SYNPR: variants seen among roughly 807,000 people sequenced by gnomAD.
SYNPR encodes the protein synaptoporin.
Under a neutral mutation model 32.9 loss-of-function variants are expected in SYNPR, and 23 were observed. The ratio of observed to expected loss-of-function variants is 0.70; its 90% confidence interval spans 0.50 to 0.99. The LOEUF (loss-of-function observed/expected upper bound fraction) is 0.99, where lower values mean the gene tolerates loss of function less well. SYNPR is among the 50% of genes least tolerant of loss of function. The pLI is 0.00. For missense variants in SYNPR, 318 were observed against 349.3 expected (o/e 0.91, Z 0.71); for synonymous variants, 146 against 135.9 (o/e 1.07, Z -0.52).
At chr3:63,502,411 CCA>C (rs1559519086) in intron 3 of SYNPR, among the ~76,000 whole-genome samples, 1 of 152,006 alleles carries the variant, frequency 6.6e-6, no homozygotes, top group South Asian at 2.1e-4. Context: ...CATCCAAAGT[CCA>C]CAGTTTACCT....
chr3:63,202,521 T>C, the SYNPR span, among the ~76,000 whole-genome samples: 23 of 152,102 alleles, frequency 1.5e-4, no homozygotes, highest in African/African-American at 4.8e-4. Context: ...AAGAGGAAAA[T>C]TGCAGAGCAA....
intron 2 of SYNPR, among the ~76,000 whole-genome samples, chr3:63,390,029 C>G (rs1001767653): frequency 3.0e-4 from 45 of 152,304 alleles, no homozygotes; most frequent in South Asian, 6.2e-4. Context: ...CTATGAAAGC[C>G]TTTAAATTGG....
At chr3:63,435,592 A>G (rs9821421) in intron 2 of SYNPR, among the ~76,000 whole-genome samples, 2,372 of 152,286 alleles carry the variant, frequency 0.016, 54 homozygotes, top group African/African-American at 0.046. Flanking sequence ...GACTGCCCCT[A>G]GCACACCCTC....
intron 2 of SYNPR, among the ~76,000 whole-genome samples, chr3:63,380,030 T>G (rs1162018615): frequency 2.6e-5 from 4 of 152,364 alleles, no homozygotes; most frequent in East Asian, 3.9e-4. Context: ...TCATTTTTTA[T>G]GGCTGCATAG....
chr3:63,382,828 T>C (rs79652833), intron 2 of SYNPR, among the ~76,000 whole-genome samples: 4,706 of 152,290 alleles, frequency 0.031, 259 homozygotes, highest in African/African-American at 0.11. Context: ...TTCCCACCTC[T>C]TGCCTTTTTC....
At chr3:63,399,296 A>G (rs1208092588) in intron 2 of SYNPR, among the ~76,000 whole-genome samples, 1 of 152,236 alleles carries the variant, frequency 6.6e-6, no homozygotes, top group Non-Finnish European at 1.5e-5. Context: ...TTGTAGACAG[A>G]GATATTCTCT....
intron 2 of SYNPR, among the ~76,000 whole-genome samples, chr3:63,341,874 T>G (rs1032585523): frequency 2.0e-5 from 3 of 152,264 alleles, no homozygotes; most frequent in African/African-American, 4.8e-5. Flanking sequence ...GGAGTCCAAA[T>G]TACCTATTTT....
intron 3 of SYNPR, among the ~76,000 whole-genome samples, chr3:63,543,864 T>A (rs1702351034): frequency 6.6e-6 from 1 of 152,040 alleles, no homozygotes; most frequent in African/African-American, 2.4e-5. Context: ...AACATCACCT[T>A]CCCTTATGTA....
intron 3 of SYNPR, among the ~76,000 whole-genome samples, chr3:63,485,764 T>C (rs1701136834): frequency 6.6e-6 from 1 of 152,160 alleles, no homozygotes; most frequent in Admixed American, 6.5e-5. Flanking sequence ...ACGACCTTGG[T>C]TGAACAAATA....
At chr3:63,613,031 G>A (rs1259646293) in intron 5 of SYNPR, among the ~76,000 whole-genome samples, 2 of 150,784 alleles carry the variant, frequency 1.3e-5, no homozygotes, top group Non-Finnish European at 3.0e-5. Context: ...GAGGTGCAGT[G>A]GTGCAATCAT....
intron 3 of SYNPR, among the ~76,000 whole-genome samples, chr3:63,538,794 C>T (rs1316600836): frequency 6.6e-6 from 1 of 152,066 alleles, no homozygotes; most frequent in African/African-American, 2.4e-5. Flanking sequence ...TGGTTTTGAA[C>T]CACTGAGTTT....
intron 3 of SYNPR, among the ~76,000 whole-genome samples, chr3:63,521,755 G>A (rs997908293): frequency 3.9e-5 from 6 of 152,132 alleles, no homozygotes; most frequent in Non-Finnish European, 8.8e-5. Flanking sequence ...GGCCCTTGCA[G>A]GAAACACTTG....
chr3:63,474,552 G>A (rs1700864181), intron 2 of SYNPR, among the ~76,000 whole-genome samples: 1 of 152,136 alleles, frequency 6.6e-6, no homozygotes, highest in African/African-American at 2.4e-5. Flanking sequence ...TGGTGGCAAT[G>A]GAGTTGTGTA....
chr3:63,384,766 T>C (rs997648031), intron 2 of SYNPR, among the ~76,000 whole-genome samples: 16 of 152,198 alleles, frequency 1.1e-4, no homozygotes, highest in African/African-American at 3.6e-4. Context: ...CAAAACACCA[T>C]AGCAATCCTA....
Position 63,500,010 on chromosome 3 carries a change from C to CA in SYNPR, c.209+19060dup, listed in dbSNP as rs1323573434. On this transcript the variant is annotated intron_variant, in intron 3 of 5. Coordinates refer to ENST00000478300, the MANE Select transcript of SYNPR (RefSeq NM_001130003.2). ...GGGATTAAATTTTTTTAAAATTAAA[C>CA]AAAAAATATGCAACTTGCTCACTGG... Among the ~76,000 whole-genome samples the CA allele has an allele frequency of 3.3e-5, 5 of 152,032 alleles. No individual in the cohort carries two copies. In the East Asian group the frequency reaches 5.8e-4, roughly 18 times the overall value.
intron 3 of SYNPR, among the ~76,000 whole-genome samples, chr3:63,516,377 A>G (rs375150996): frequency 7.9e-4 from 120 of 152,262 alleles, no homozygotes; most frequent in African/African-American, 2.8e-3. Flanking sequence ...AGCTTCTTGT[A>G]AGCAAAGTCC....
intron 2 of SYNPR, among the ~76,000 whole-genome samples, chr3:63,345,776 C>T (rs13061144): frequency 0.21 from 32,389 of 151,868 alleles, 3,877 homozygotes; most frequent in South Asian, 0.38. Context: ...CCTAAAATAA[C>T]AATTTTGAAA....
intron 2 of SYNPR, among the ~76,000 whole-genome samples, chr3:63,282,927 T>C (rs2086643577): frequency 6.6e-6 from 1 of 152,208 alleles, no homozygotes; most frequent in Non-Finnish European, 1.5e-5. Flanking sequence ...TATAGTTTTG[T>C]ATGTGAGTGA....
chr3:63,409,861 G>C (rs539671306), intron 2 of SYNPR, among the ~76,000 whole-genome samples: 1 of 152,258 alleles, frequency 6.6e-6, no homozygotes, highest in South Asian at 2.1e-4. Context: ...GGTTAATAAA[G>C]TATGAGTAGA....
Sources: gnomAD v4.1 joint callset for allele counts (sites outside exome capture counted in the v4.1 genomes callset) on GRCh38, gnomAD v4.1.1 for gene constraint, MANE v1.5 for transcripts, NCBI Gene and HGNC (gene_info 2026-07-23, HGNC 2026-07-21) for gene names.